NBAS: variants seen among roughly 807,000 people sequenced by gnomAD.
The protein encoded by NBAS is NAG/BC035112 fusion.
In NBAS, 219 loss-of-function variants were observed where a neutral mutation model predicts 302.5. The observed-to-expected ratio is 0.72, with a 90% CI of 0.65 to 0.81. The LOEUF (loss-of-function observed/expected upper bound fraction) is 0.81, where lower values mean the gene tolerates loss of function less well. NBAS is among the 30% of genes least tolerant of loss of function. NBAS has a pLI of 0.00. For missense variants in NBAS, 2,932 were observed against 2,841.6 expected, an observed-to-expected ratio of 1.03 and a Z score of -0.72; for synonymous variants, 1,118 against 1,021.6, an observed-to-expected ratio of 1.09 and a Z score of -1.80.
At chr2:15,098,493 T>TTGTA in the NBAS span, among the ~76,000 whole-genome samples, 1 of 101,390 alleles carries the variant, frequency 9.9e-6, no homozygotes, top group African/African-American at 4.3e-5. Flanking sequence ...ATATTGTATA[T>TTGTA]AATATGTTAT....
At chr2:15,070,781 G>A in the NBAS span, among the ~76,000 whole-genome samples, 1 of 152,132 alleles carries the variant, frequency 6.6e-6, no homozygotes, top group Admixed American at 6.5e-5. Context: ...ACATGATCAC[G>A]TTGTTACAAG....
At chr2:15,528,452 G>A (rs1663035589) in intron 9 of NBAS, among the ~76,000 whole-genome samples, 1 of 145,896 alleles carries the variant, frequency 6.9e-6, no homozygotes, top group African/African-American at 2.5e-5. Flanking sequence ...TAATATATAT[G>A]AAATATATTT....
At chr2:14,823,001 G>A in the NBAS span, among the ~76,000 whole-genome samples, 3 of 152,204 alleles carry the variant, frequency 2.0e-5, no homozygotes, top group Non-Finnish European at 2.9e-5. Context: ...CCCAAAGTCT[G>A]GTAGCAGCAT....
At chr2:14,837,468 CT>C in the NBAS span, among the ~76,000 whole-genome samples, 261 of 151,210 alleles carry the variant, frequency 1.7e-3, 3 homozygotes, top group African/African-American at 6.1e-3. Context: ...GCTGTTTCTC[CT>C]TTTTTCTAGA....
the NBAS span, among the ~76,000 whole-genome samples, chr2:15,042,255 A>G: frequency 6.6e-6 from 1 of 152,202 alleles, no homozygotes; most frequent in Non-Finnish European, 1.5e-5. Context: ...AAGAAATGCA[A>G]AGAGATGTCA....
At chr2:15,344,481 A>G (rs1335782603) in intron 35 of NBAS, among the ~76,000 whole-genome samples, 1 of 152,206 alleles carries the variant, frequency 6.6e-6, no homozygotes, top group East Asian at 1.9e-4. Flanking sequence ...AATCCCGGAA[A>G]TAGACCAATA....
chr2:15,456,286 A>G (rs1475475022), intron 21 of NBAS, among the ~76,000 whole-genome samples: 2 of 152,232 alleles, frequency 1.3e-5, no homozygotes, highest in Non-Finnish European at 2.9e-5. Context: ...GGTTAATCAA[A>G]TGTTGGTTAA....
At chr2:14,782,351 G>A in the NBAS span, among the ~76,000 whole-genome samples, 1 of 152,140 alleles carries the variant, frequency 6.6e-6, no homozygotes, top group East Asian at 1.9e-4. Flanking sequence ...ACAAGCATAT[G>A]AGAAAAAGCT....
chr2:15,214,079 G>C (rs1666544326), intron 48 of NBAS, among the ~76,000 whole-genome samples: 1 of 152,196 alleles, frequency 6.6e-6, no homozygotes, highest in African/African-American at 2.4e-5. Flanking sequence ...CATTTTGCTT[G>C]CATGTCAGGG....
the NBAS span, among the ~76,000 whole-genome samples, chr2:14,902,198 C>T: frequency 6.6e-6 from 1 of 152,192 alleles, no homozygotes; most frequent in South Asian, 2.1e-4. Flanking sequence ...GTGGCATGAT[C>T]TCAGCTCACT....
chr2:15,259,837 T>C (rs1668768443), intron 44 of NBAS, among the ~76,000 whole-genome samples: 1 of 152,236 alleles, frequency 6.6e-6, no homozygotes, highest in African/African-American at 2.4e-5. Context: ...GTTGAAAAAG[T>C]ATTCTGCCTT....
downstream of NBAS, among the ~76,000 whole-genome samples, chr2:15,164,577 A>C (rs1663970546): frequency 6.6e-6 from 1 of 151,734 alleles, no homozygotes; most frequent in African/African-American, 2.4e-5. Context: ...CCAGGAAGCA[A>C]AGCTATAGAA....
chr2:15,102,746 C>G, the NBAS span, among the ~76,000 whole-genome samples: 4 of 152,122 alleles, frequency 2.6e-5, no homozygotes, highest in East Asian at 7.8e-4. Flanking sequence ...TTATAATTAC[C>G]TAAGGTTAGT....
the NBAS span, among the ~76,000 whole-genome samples, chr2:14,859,543 C>A: frequency 6.6e-6 from 1 of 151,856 alleles, no homozygotes; most frequent in Non-Finnish European, 1.5e-5. Flanking sequence ...CATTTACAGA[C>A]AACTCATCTT....
intron 34 of NBAS, among the ~76,000 whole-genome samples, chr2:15,352,516 C>CA (rs1445298099): frequency 3.9e-5 from 6 of 152,166 alleles, no homozygotes; most frequent in African/African-American, 1.4e-4. Context: ...ATTTGAAGGA[C>CA]AAGTGCGGGT....
At chr2:15,206,851 C>T (rs371846232) in intron 48 of NBAS, among the ~76,000 whole-genome samples, 2 of 152,130 alleles carry the variant, frequency 1.3e-5, no homozygotes, top group East Asian at 3.9e-4. Context: ...TATGGAAATC[C>T]CTGGAGGTCC....
At chr2:15,102,720 T>C in the NBAS span, among the ~76,000 whole-genome samples, 2 of 152,100 alleles carry the variant, frequency 1.3e-5, no homozygotes, top group Non-Finnish European at 2.9e-5. Flanking sequence ...CAAGAATAAG[T>C]TGGCTTGCCT....
At chr2:15,552,764 T>C (rs1370318469) in intron 5 of NBAS, among the ~76,000 whole-genome samples, 1 of 151,680 alleles carries the variant, frequency 6.6e-6, no homozygotes, top group Admixed American at 6.6e-5. Flanking sequence ...CCATCTACAG[T>C]TTTGTACCAA....
At position 15,479,015 on chromosome 2, in the gene NBAS, C is replaced by T. The variant is rs374158265; in HGVS notation, c.1084-726G>A. 3.0e-3 allele frequency among the ~76,000 whole-genome samples: 459 copies of T among 152,144 alleles called. 2 individuals are homozygous for T. The highest frequency in any genetic ancestry group is 0.01 in the African/African-American group (419 of 41,502). On this transcript the variant is annotated intron_variant, in intron 12 of 51. Coordinates refer to ENST00000281513, the MANE Select transcript of NBAS (RefSeq NM_015909.4). ...TTTGAAATCTGAAATCTAAAAAAAGCGTTGCTATACTTAAGTCAAAAAACT... is the reference window on the plus strand; with the variant it reads ...TTTGAAATCTGAAATCTAAAAAAAGTGTTGCTATACTTAAGTCAAAAAACT...
Sources: gnomAD v4.1 joint callset for allele counts (sites outside exome capture counted in the v4.1 genomes callset) on GRCh38, gnomAD v4.1.1 for gene constraint, MANE v1.5 for transcripts, NCBI Gene and HGNC (gene_info 2026-07-23, HGNC 2026-07-21) for gene names.